Variants in GARIN2 observed in about 807,000 individuals in gnomAD.
GARIN2 encodes Golgi-associated RAB2 interactor protein 2.
At chr14:67,196,255 C>T in the GARIN2 span, among the ~76,000 whole-genome samples, 5 of 141,794 alleles carry the variant, frequency 3.5e-5, no homozygotes, top group Admixed American at 1.4e-4. Flanking sequence ...TTGCTCTTGT[C>T]GCCCAGCCTG....
chr14:67,203,347 T>G, the GARIN2 span: 1 of 1,406,136 alleles, frequency 7.1e-7, no homozygotes, highest in Non-Finnish European at 9.6e-7. Context: ...GCATTAGCCC[T>G]GTGGATCTGA....
the GARIN2 span, among the ~76,000 whole-genome samples, chr14:67,195,178 A>G: frequency 3.9e-5 from 6 of 152,386 alleles, no homozygotes; most frequent in Admixed American, 2.0e-4. Flanking sequence ...AGAACATCAC[A>G]GCAAAGTTGA....
At chr14:67,190,219 GTTCTT>G in the GARIN2 span, among the ~76,000 whole-genome samples, 1 of 122,102 alleles carries the variant, frequency 8.2e-6, no homozygotes, top group Non-Finnish European at 1.6e-5. Flanking sequence ...CCAGCCTTTT[GTTCTT>G]TTCTTTTTTT....
the GARIN2 span, chr14:67,225,214 G>A: frequency 2.0e-6 from 3 of 1,533,446 alleles, no homozygotes; most frequent in Non-Finnish European, 2.6e-6. Flanking sequence ...GGAAAGAAAA[G>A]TAAAACAGAA....
At chr14:67,208,822 A>G in the GARIN2 span, among the ~76,000 whole-genome samples, 11 of 151,592 alleles carry the variant, frequency 7.3e-5, no homozygotes, top group Admixed American at 2.0e-4. Flanking sequence ...GCTTGAACTC[A>G]GAAGGCAGAG....
chr14:67,200,303 G>T, the GARIN2 span: 4 of 670,038 alleles, frequency 6.0e-6, no homozygotes, highest in African/African-American at 5.7e-5. Context: ...CTCGAGGCCC[G>T]CTTTGGAGCC....
At chr14:67,225,018 T>TGCCTTTTTTTTCCTCCTGC in the GARIN2 span, 1 of 998,248 alleles carries the variant, frequency 1.0e-6, no homozygotes, top group Non-Finnish European at 1.4e-6. Context: ...TCTCCTTCTG[T>TGCCTTTTTTTTCCTCCTGC]GCCTTTTTTT....
the GARIN2 span, among the ~76,000 whole-genome samples, chr14:67,215,575 A>G: frequency 2.6e-5 from 4 of 152,176 alleles, no homozygotes; most frequent in African/African-American, 9.7e-5. Context: ...ACAGAAACCA[A>G]TAGTCAGAAA....
the GARIN2 span, among the ~76,000 whole-genome samples, chr14:67,193,362 AATCT>A: frequency 1.1e-3 from 149 of 133,556 alleles, no homozygotes; most frequent in South Asian, 2.6e-3. Context: ...AGAGATATAT[AATCT>A]ATCTATATAT....
the GARIN2 span, chr14:67,228,494 G>A: frequency 6.1e-6 from 1 of 164,722 alleles, no homozygotes; most frequent in African/African-American, 2.4e-5. Context: ...AGTGCAAGAG[G>A]AAAACCAAGC....
At chr14:67,193,903 C>G in the GARIN2 span, among the ~76,000 whole-genome samples, 15 of 145,358 alleles carry the variant, frequency 1.0e-4, no homozygotes, top group Non-Finnish European at 6.0e-5. Context: ...AATGATCACA[C>G]CACTGCACTC....
chr14:67,194,975 G>C, the GARIN2 span, among the ~76,000 whole-genome samples: 3 of 152,148 alleles, frequency 2.0e-5, no homozygotes. Context: ...AAAGTGCTAA[G>C]ATTACAGGTG....
the GARIN2 span, among the ~76,000 whole-genome samples, chr14:67,190,709 T>C: frequency 6.6e-6 from 1 of 152,206 alleles, no homozygotes; most frequent in South Asian, 2.1e-4. Flanking sequence ...GGATATCATT[T>C]TCAAGAGATA....
At chr14:67,217,660 AT>A in the GARIN2 span, among the ~76,000 whole-genome samples, 9 of 152,166 alleles carry the variant, frequency 5.9e-5, no homozygotes, top group African/African-American at 2.2e-4. Context: ...TCCCTTGAGC[AT>A]TTTTTGTAAG....
At chr14:67,209,306 AAGAG>A in the GARIN2 span, among the ~76,000 whole-genome samples, 2 of 152,000 alleles carry the variant, frequency 1.3e-5, no homozygotes, top group Non-Finnish European at 2.9e-5. Flanking sequence ...TGAAAATAAA[AAGAG>A]AGAGAGAGAA....
the GARIN2 span, among the ~76,000 whole-genome samples, chr14:67,225,883 C>T: frequency 6.6e-6 from 1 of 150,884 alleles, no homozygotes; most frequent in Admixed American, 6.6e-5. Flanking sequence ...AATTTTAGGG[C>T]CATTGTGTCT....
At chr14:67,221,902 G>A in the GARIN2 span, 3 of 1,485,156 alleles carry the variant, frequency 2.0e-6, no homozygotes, top group South Asian at 3.8e-5. Context: ...AAGAGCAAAG[G>A]AATTCAGCTA....
At chr14:67,228,257 T>A in the GARIN2 span, 1 of 193,560 alleles carries the variant, frequency 5.2e-6, no homozygotes. Flanking sequence ...AGGATCTTTA[T>A]TTTTTATATC....
the GARIN2 span, among the ~76,000 whole-genome samples, chr14:67,202,328 C>G: frequency 6.6e-6 from 1 of 152,214 alleles, no homozygotes; most frequent in Non-Finnish European, 1.5e-5. Flanking sequence ...GTAATCCCAG[C>G]TACTTGGGAG....
Sources: gnomAD v4.1 joint callset for allele counts (sites outside exome capture counted in the v4.1 genomes callset) on GRCh38, gnomAD v4.1.1 for gene constraint, MANE v1.5 for transcripts, NCBI Gene and HGNC (gene_info 2026-07-23, HGNC 2026-07-21) for gene names.